Variants in SESN1 observed in about 807,000 individuals in gnomAD.
SESN1 encodes sestrin 1, also known as sestrin-1.
In SESN1, 30 loss-of-function variants were observed where a neutral mutation model predicts 59.3. The ratio of observed to expected loss-of-function variants is 0.51; its 90% CI spans 0.38 to 0.69. The LOEUF (loss-of-function observed/expected upper bound fraction) is 0.69, where lower values mean the gene tolerates loss of function less well. Ranked by LOEUF, SESN1 falls within the 30% of genes least tolerant of loss-of-function variation. The probability of loss-of-function intolerance (pLI) is 0.00; values close to 1 mark genes in which losing one functional copy is unlikely to be tolerated. For synonymous variants in SESN1, 197 were observed against 219.9 expected, an observed-to-expected ratio of 0.90 and a Z score of 0.92; for missense variants, 566 against 673.0, an observed-to-expected ratio of 0.84 and a Z score of 1.76.
At chr6:108,996,477 T>A (rs1779504241) in intron 5 of SESN1, among the ~76,000 whole-genome samples, 1 of 152,192 alleles carries the variant, frequency 6.6e-6, no homozygotes, top group South Asian at 2.1e-4. Context: ...ACTCACATTA[T>A]CTGTCACTAA....
rs552000060 is a variant in SESN1, at chr6:109,009,586, C to T, written c.280-7243G>A. On this transcript the variant is annotated intron_variant, in intron 1 of 9. Coordinates refer to ENST00000436639, the MANE Select transcript of SESN1 (RefSeq NM_014454.3). ...GGCGGGGCGGCGCCGACAAACAAGCCGCGCGGCCCCGCCCCGCGCCCGTCA... is the reference window on the plus strand; with the variant it reads ...GGCGGGGCGGCGCCGACAAACAAGCTGCGCGGCCCCGCCCCGCGCCCGTCA... 6.8e-5 allele frequency: 72 copies of T among 1,066,238 alleles called. No individual in the cohort carries two copies. In the East Asian group the frequency reaches 3.3e-3, roughly 49 times the overall value. 66.0% of individuals were successfully genotyped at this position (1,066,238 alleles called of 1,614,324 possible).
chr6:109,082,907 A>C (rs1781149675), intron 1 of SESN1, among the ~76,000 whole-genome samples: 1 of 152,206 alleles, frequency 6.6e-6, no homozygotes, highest in South Asian at 2.1e-4. Flanking sequence ...CAAATGCATC[A>C]TTATCATCAC....
At chr6:109,085,983 CTA>C (rs1781207835) in intron 1 of SESN1, among the ~76,000 whole-genome samples, 1 of 152,196 alleles carries the variant, frequency 6.6e-6, no homozygotes, top group South Asian at 2.1e-4. Context: ...TAAACACTGA[CTA>C]TTTTTAAGTT....
chr6:109,013,584 T>C (rs1243281408), intron 1 of SESN1, among the ~76,000 whole-genome samples: 1 of 152,252 alleles, frequency 6.6e-6, no homozygotes, highest in Non-Finnish European at 1.5e-5. Context: ...TTAAAAGGCA[T>C]AATCATACTT....
At chr6:109,085,515 TCACACACACACACA>T (rs59793015) in intron 1 of SESN1, among the ~76,000 whole-genome samples, 133 of 148,514 alleles carry the variant, frequency 9.0e-4, no homozygotes, top group African/African-American at 3.1e-3. Flanking sequence ...TGACACTCCG[TCACACACACACACA>T]CACACACACA....
chr6:109,090,437 A>T (rs1316905771), intron 1 of SESN1, among the ~76,000 whole-genome samples: 1 of 152,220 alleles, frequency 6.6e-6, no homozygotes, highest in African/African-American at 2.4e-5. Flanking sequence ...AGCCAACAAT[A>T]GCCTACTGTT....
intron 4 of SESN1, among the ~76,000 whole-genome samples, chr6:108,999,321 C>T (rs1211164352): frequency 6.6e-6 from 1 of 151,994 alleles, no homozygotes; most frequent in Non-Finnish European, 1.5e-5. Flanking sequence ...TTTTTCCTTA[C>T]TTGACAATAT....
chr6:108,991,947 C>G (rs973713332), intron 7 of SESN1, among the ~76,000 whole-genome samples: 1 of 152,182 alleles, frequency 6.6e-6, no homozygotes, highest in Admixed American at 6.5e-5. Context: ...ATTGTCTAGT[C>G]TCCTCTACTT....
intron 1 of SESN1, among the ~76,000 whole-genome samples, chr6:109,055,641 A>C (rs1206675481): frequency 6.8e-6 from 1 of 146,814 alleles, no homozygotes; most frequent in Non-Finnish European, 1.5e-5. Flanking sequence ...CAGCCTGGGC[A>C]ACAGAGCGAG....
At chr6:108,996,394 C>G (rs1018256573) in intron 5 of SESN1, among the ~76,000 whole-genome samples, 1 of 151,962 alleles carries the variant, frequency 6.6e-6, no homozygotes, top group African/African-American at 2.4e-5. Context: ...GAGTCAGTAA[C>G]CAAATAAAAA....
chr6:109,053,045 G>GATGT lies in SESN1; in HGVS notation c.279+40746_279+40749dup, dbSNP rs202110642. On this transcript the variant is annotated intron_variant, in intron 1 of 9. Coordinates refer to ENST00000436639, the MANE Select transcript of SESN1 (RefSeq NM_014454.3). ...AATAAAAGGAGCTGTTCAAGACTAG[G>GATGT]ATGTGTGTGTGTGTGTGTGTGCGTG... 7.0e-3 allele frequency among the ~76,000 whole-genome samples: 1,056 copies of GATGT among 151,378 alleles called. 11 individuals are homozygous for GATGT. Among genetic ancestry groups the GATGT allele is most frequent in the African/African-American group, 0.024 (990 of 41,008 alleles).
intron 1 of SESN1, among the ~76,000 whole-genome samples, chr6:109,065,617 G>T (rs890624768): frequency 6.6e-6 from 1 of 151,856 alleles, no homozygotes; most frequent in South Asian, 2.1e-4. Context: ...GCAAGATATT[G>T]GGCCATTGTA....
intron 1 of SESN1, among the ~76,000 whole-genome samples, chr6:109,030,506 C>T (rs1780165895): frequency 6.6e-6 from 1 of 152,076 alleles, no homozygotes; most frequent in African/African-American, 2.4e-5. Context: ...ATATTCTATT[C>T]TTAGCTGCCT....
At chr6:109,029,720 C>CA (rs1428106344) in intron 1 of SESN1, among the ~76,000 whole-genome samples, 1 of 152,032 alleles carries the variant, frequency 6.6e-6, no homozygotes, top group African/African-American at 2.4e-5. Flanking sequence ...TTTGTAGAGA[C>CA]AGAGTCTTGC....
At chr6:109,092,061 T>C (rs746887156) in intron 1 of SESN1, among the ~76,000 whole-genome samples, 2 of 152,038 alleles carry the variant, frequency 1.3e-5, no homozygotes, top group African/African-American at 2.4e-5. Context: ...GATGCAGAGA[T>C]GGAAAAAAAG....
At position 108,988,697 on chromosome 6, in the gene SESN1, G is replaced by A. The variant is rs1159434167; in HGVS notation, c.1425-10C>T. 1.3e-6 allele frequency: 2 copies of A among 1,583,950 alleles called. No homozygotes were observed. Among genetic ancestry groups the A allele is most frequent in the Non-Finnish European group, 1.7e-6 (2 of 1,164,654 alleles). On this transcript the variant is annotated splice_polypyrimidine_tract_variant and intron_variant, in intron 8 of 9. Coordinates refer to ENST00000436639, the MANE Select transcript of SESN1 (RefSeq NM_014454.3). Reference sequence around the variant, plus strand: ...GTCATAATCATCATATCTGTTGAAAGACATAATGAGAATTATGATATTTTC... The same window carrying A: ...GTCATAATCATCATATCTGTTGAAAAACATAATGAGAATTATGATATTTTC...
At chr6:109,045,685 C>T (rs1477122167) in intron 1 of SESN1, among the ~76,000 whole-genome samples, 1 of 152,220 alleles carries the variant, frequency 6.6e-6, no homozygotes, top group African/African-American at 2.4e-5. Context: ...TGGCTACTCC[C>T]TTTCTGTATC....
rs1309445081 is a variant in SESN1 at position 109,000,681 on chromosome 6, C to T, written c.547-8G>A. 2.6e-6 allele frequency: 4 copies of T among 1,537,032 alleles called. No homozygotes were observed. In the Admixed American group the frequency reaches 5.9e-5, roughly 23 times the overall value. Reference sequence around the variant, plus strand: ...CTGATGTCTTGCCGCAGCCTTAAAACAAAAAGATTATTCTAATTATAAATA... The same window carrying T: ...CTGATGTCTTGCCGCAGCCTTAAAATAAAAAGATTATTCTAATTATAAATA... On this transcript the variant is annotated splice_region_variant and splice_polypyrimidine_tract_variant and intron_variant, in intron 3 of 9. Transcript: ENST00000436639.
At chr6:109,025,383 T>C (rs192871645) in intron 1 of SESN1, among the ~76,000 whole-genome samples, 1 of 151,566 alleles carries the variant, frequency 6.6e-6, no homozygotes, top group African/African-American at 2.4e-5. Context: ...TAGAAATAAA[T>C]AGAGATTTTC....
Sources: gnomAD v4.1 joint callset for allele counts (sites outside exome capture counted in the v4.1 genomes callset) on GRCh38, gnomAD v4.1.1 for gene constraint, MANE v1.5 for transcripts, NCBI Gene and HGNC (gene_info 2026-07-23, HGNC 2026-07-21) for gene names.